DYSF: variants seen among roughly 807,000 people sequenced by gnomAD.
The protein encoded by DYSF is dystrophy-associated fer-1-like 1.
In DYSF, 212 loss-of-function variants were observed where a neutral mutation model predicts 274.9. That is an observed-to-expected ratio of 0.77 (90% CI 0.69 to 0.86). DYSF has a LOEUF of 0.86. Among genes scored for constraint, DYSF ranks in the 40% least tolerant of loss-of-function variants. The probability of loss-of-function intolerance (pLI) is 0.00; values close to 1 mark genes in which losing one functional copy is unlikely to be tolerated. For missense variants in DYSF, 2,666 were observed against 2,783.2 expected (o/e 0.96, Z 0.95); for synonymous variants, 1,091 against 1,078.7 (o/e 1.01, Z -0.22).
chr2:71,671,188 G>A (rs537177910), intron 51 of DYSF, among the ~76,000 whole-genome samples: 2 of 152,328 alleles, frequency 1.3e-5, no homozygotes, highest in South Asian at 4.1e-4. Flanking sequence ...GGATTCAACA[G>A]GGTTAAGTGG....
At position 71,568,212 on chromosome 2, in the gene DYSF, G is replaced by T. The variant is rs1244026613; in HGVS notation, c.2738G>T (p.Gly913Val). ...AAGTTGGCCCTTGTTGGGAACTGGG[G>T]CACAACGGGCCTCACCTACCCCAAG... ...ETKLALVGNW[G>V]TTGLTYPKFS... The change falls in exon 26 of 56, where the codon GGC becomes GTC. Residue 913 changes from glycine (G) to valine (V), a missense_variant. Gly to Val is a moderately radical substitution (Grantham distance 109). Coordinates refer to ENST00000410020, the MANE Select transcript of DYSF (RefSeq NM_001130987.2). The T allele has an allele frequency of 1.2e-6, 2 of 1,614,226 alleles. No individual in the cohort carries two copies. Among genetic ancestry groups the T allele is most frequent in the South Asian group, 2.2e-5 (2 of 91,086 alleles).
intron 1 of DYSF, among the ~76,000 whole-genome samples, chr2:71,456,342 G>C (rs1362084293): frequency 6.6e-6 from 1 of 151,864 alleles, no homozygotes; most frequent in East Asian, 1.9e-4. Flanking sequence ...CCCAGCCCCT[G>C]GCCACATTTC....
intron 50 of DYSF, 89 bp downstream of exon 50, chr2:71,669,296 A>T: frequency 8.5e-7 from 1 of 1,179,290 alleles, no homozygotes. Flanking sequence ...GCTCTGGCTC[A>T]GGGAAGGGAA....
chr2:71,574,154 C>T (rs752867465), intron 29 of DYSF, 44 bp from the exon 30 acceptor site: 6 of 1,606,022 alleles, frequency 3.7e-6, no homozygotes, highest in Non-Finnish European at 5.1e-6. Flanking sequence ...GAACTCCCCC[C>T]AGCCTTCCCA....
chr2:71,573,192 G>C (rs1477210808), intron 29 of DYSF, among the ~76,000 whole-genome samples: 2 of 152,220 alleles, frequency 1.3e-5, no homozygotes, highest in Non-Finnish European at 2.9e-5. Context: ...GAGGACTCTT[G>C]CTGGCTCCAG....
At chr2:71,535,203 G>T (rs1322696872) in intron 15 of DYSF, 65 bp from the exon 16 acceptor site, 7 of 1,598,618 alleles carry the variant, frequency 4.4e-6, no homozygotes, top group Non-Finnish European at 3.4e-6. Flanking sequence ...TCAGCTCGGG[G>T]TAGGGAGGGG....
intron 40 of DYSF, among the ~76,000 whole-genome samples, chr2:71,616,303 C>A (rs561760881): frequency 1.3e-5 from 2 of 151,946 alleles, no homozygotes; most frequent in South Asian, 2.1e-4. Context: ...GGTGGGGGGC[C>A]CTGTTTAGGG....
upstream of DYSF, among the ~76,000 whole-genome samples, chr2:71,463,611 C>T (rs544862334): frequency 2.0e-5 from 3 of 152,394 alleles, no homozygotes; most frequent in East Asian, 5.8e-4. Context: ...TAGTATCATC[C>T]TGTACCCAGG....
intron 6 of DYSF, among the ~76,000 whole-genome samples, 165 bp downstream of exon 6, chr2:71,513,497 A>G (rs1055209409): frequency 1.3e-5 from 2 of 152,176 alleles, no homozygotes; most frequent in Admixed American, 6.5e-5. Flanking sequence ...CTGTTGACTA[A>G]CTGGACTGAC....
intron 24 of DYSF, 30 bp downstream of exon 24, chr2:71,564,243 C>A: frequency 1.9e-6 from 3 of 1,613,932 alleles, no homozygotes; most frequent in South Asian, 1.1e-5. Flanking sequence ...AAGTCATGAT[C>A]GTATTTTTCC....
At chr2:71,489,743 C>G (rs1449946405) in intron 3 of DYSF, among the ~76,000 whole-genome samples, 1 of 152,072 alleles carries the variant, frequency 6.6e-6, no homozygotes, top group Non-Finnish European at 1.5e-5. Context: ...CTGGGAGGGG[C>G]AGGTATTCTA....
At chr2:71,465,356 T>C (rs1052684730), upstream of DYSF, among the ~76,000 whole-genome samples, 10 of 152,092 alleles carry the variant, frequency 6.6e-5, no homozygotes, top group African/African-American at 2.4e-4. Context: ...AGAAGGAGAC[T>C]GGGGACCTGA....
chr2:71,478,619 A>G (rs1018449329), intron 1 of DYSF, among the ~76,000 whole-genome samples: 2 of 152,128 alleles, frequency 1.3e-5, no homozygotes, highest in African/African-American at 2.4e-5. Flanking sequence ...TGTGATTTCA[A>G]ATTTCATGAT....
intron 51 of DYSF, among the ~76,000 whole-genome samples, chr2:71,670,072 C>T (rs895729968): frequency 1.3e-5 from 2 of 152,210 alleles, no homozygotes; most frequent in African/African-American, 2.4e-5. Context: ...TCATTCATGG[C>T]ACTACCGTGG....
intron 30 of DYSF, chr2:71,576,265 C>T (rs948150127): frequency 1.3e-5 from 2 of 152,774 alleles, no homozygotes; most frequent in Admixed American, 6.5e-5. Flanking sequence ...GGGCAAAGAG[C>T]TCCAGATGGT....
chr2:71,513,947 C>G, intron 7 of DYSF, 26 bp downstream of exon 7: 3 of 1,613,730 alleles, frequency 1.9e-6, no homozygotes, highest in Non-Finnish European at 2.5e-6. Flanking sequence ...TCTCTGACCC[C>G]AGGCTCCTCT....
intron 40 of DYSF, among the ~76,000 whole-genome samples, chr2:71,618,391 G>A (rs1417614801): frequency 3.9e-5 from 2 of 51,084 alleles, no homozygotes; most frequent in African/African-American, 6.6e-5. Context: ...TAGAGGTGGT[G>A]TGTGTGTGTG....
In DYSF at chr2:71,564,186, T is replaced by A; in HGVS notation, c.2538T>A (p.Cys846Ter). ...RRGANYCGKNCGKLQTIFLKY... is the reference protein window; with the variant it reads ...RRGANYCGKN ...GTGCCAACTACTGTGGCAAGAATTG[T>A]GGGAAGCTACAGACAATCTTTCTGA... Residue 846 changes from cysteine to a stop codon, truncating the protein, a stop_gained, in exon 24 of 56, where the codon TGT (cysteine) becomes TGA (stop). Coordinates refer to ENST00000410020, the MANE Select transcript of DYSF (RefSeq NM_001130987.2). LOFTEE classifies it high-confidence loss of function. The A allele has an allele frequency of 6.2e-7, 1 of 1,614,268 alleles. No homozygotes were observed. Among genetic ancestry groups the A allele is most frequent in the Non-Finnish European group, 8.5e-7 (1 of 1,180,048 alleles).
At chr2:71,651,088 T>C (rs2094649314) in intron 42 of DYSF, among the ~76,000 whole-genome samples, 1 of 152,072 alleles carries the variant, frequency 6.6e-6, no homozygotes, top group East Asian at 1.9e-4. Flanking sequence ...ATTTTCATTA[T>C]CTGGAAAAAG....
Sources: gnomAD v4.1 joint callset for allele counts (sites outside exome capture counted in the v4.1 genomes callset) on GRCh38, gnomAD v4.1.1 for gene constraint, MANE v1.5 for transcripts, NCBI Gene and HGNC (gene_info 2026-07-23, HGNC 2026-07-21) for gene names.